GRM5: variants seen among roughly 807,000 people sequenced by gnomAD.
GRM5 encodes glutamate metabotropic receptor 5.
In GRM5, 19 loss-of-function variants were observed where a neutral mutation model predicts 83.1. That is an observed-to-expected ratio of 0.23 (90% CI 0.16 to 0.34). GRM5 has a LOEUF of 0.34. GRM5 is among the 10% of genes least tolerant of loss of function. GRM5 has a pLI of 1.00. For missense variants in GRM5, 1,160 were observed against 1,588.3 expected (o/e 0.73, Z 4.58); for synonymous variants, 675 against 633.6 (o/e 1.07, Z -0.98).
chr11:88,824,148 A>T (rs957768875), intron 3 of GRM5, among the ~76,000 whole-genome samples: 8 of 152,124 alleles, frequency 5.3e-5, no homozygotes, highest in Admixed American at 1.3e-4. Context: ...TTTAAGGGCA[A>T]TGTTTCTTTA....
At chr11:88,924,812 T>C (rs1945758367) in intron 2 of GRM5, among the ~76,000 whole-genome samples, 1 of 151,966 alleles carries the variant, frequency 6.6e-6, no homozygotes, top group South Asian at 2.1e-4. Context: ...AGAAAGTAGA[T>C]TTTAGGAACT....
At chr11:88,941,888 T>G (rs1433665175) in intron 2 of GRM5, among the ~76,000 whole-genome samples, 1 of 152,028 alleles carries the variant, frequency 6.6e-6, no homozygotes, top group African/African-American at 2.4e-5. Context: ...GATAGGCCTT[T>G]CTATACTATA....
chr11:88,823,148 C>A (rs1943831516), intron 3 of GRM5, among the ~76,000 whole-genome samples: 1 of 151,180 alleles, frequency 6.6e-6, no homozygotes, highest in African/African-American at 2.4e-5. Flanking sequence ...TAGATATTTC[C>A]TCGATTTGTT....
At chr11:89,043,380 A>G (rs1180273249) in intron 2 of GRM5, among the ~76,000 whole-genome samples, 1 of 152,170 alleles carries the variant, frequency 6.6e-6, no homozygotes, top group Non-Finnish European at 1.5e-5. Context: ...ATGAAGTTGA[A>G]CTAGATCAAG....
At chr11:88,635,380 G>T (rs35072643) in intron 4 of GRM5, among the ~76,000 whole-genome samples, 18,552 of 152,144 alleles carry the variant, frequency 0.12, 1,457 homozygotes, top group Middle Eastern at 0.19. Flanking sequence ...GGTGTGAGAT[G>T]ATATCTCATT....
intron 3 of GRM5, among the ~76,000 whole-genome samples, chr11:88,742,624 G>A (rs1181339446): frequency 6.6e-6 from 1 of 152,104 alleles, no homozygotes; most frequent in African/African-American, 2.4e-5. Context: ...GAGCCTATGA[G>A]GAGAGGGAGA....
At chr11:88,956,845 C>A (rs1355200306) in intron 2 of GRM5, among the ~76,000 whole-genome samples, 4 of 152,116 alleles carry the variant, frequency 2.6e-5, no homozygotes, top group Non-Finnish European at 5.9e-5. Context: ...ACAATAACTT[C>A]TATTTTGTTC....
chr11:88,517,340 T>C (rs1244864998), intron 9 of GRM5, among the ~76,000 whole-genome samples: 1 of 152,132 alleles, frequency 6.6e-6, no homozygotes, highest in Non-Finnish European at 1.5e-5. Flanking sequence ...CCAAGATTTT[T>C]GATAAGCTAC....
At chr11:88,698,856 A>G (rs538829939) in intron 3 of GRM5, among the ~76,000 whole-genome samples, 2 of 151,998 alleles carry the variant, frequency 1.3e-5, no homozygotes, top group South Asian at 2.1e-4. Flanking sequence ...TTCATTAAGC[A>G]TAATATTTGT....
chr11:88,850,733 C>T (rs188906234), intron 2 of GRM5, among the ~76,000 whole-genome samples: 70 of 151,612 alleles, frequency 4.6e-4, no homozygotes, highest in South Asian at 2.9e-3. Context: ...TTAGTCTTGT[C>T]GCAGGTGAAT....
At chr11:88,894,046 TG>T (rs551706993) in intron 2 of GRM5, among the ~76,000 whole-genome samples, 107 of 151,974 alleles carry the variant, frequency 7.0e-4, no homozygotes, top group Non-Finnish European at 1.3e-3. Flanking sequence ...CGGTGAATGC[TG>T]GCAGAAACTA....
intron 3 of GRM5, among the ~76,000 whole-genome samples, chr11:88,716,574 G>A (rs1941404748): frequency 6.6e-6 from 1 of 151,898 alleles, no homozygotes; most frequent in Non-Finnish European, 1.5e-5. Flanking sequence ...AGTCAACAAT[G>A]TTAAGATACA....
At chr11:88,818,486 G>A (rs1026402255) in intron 3 of GRM5, among the ~76,000 whole-genome samples, 3 of 152,124 alleles carry the variant, frequency 2.0e-5, no homozygotes, top group African/African-American at 7.2e-5. Context: ...TCTTCAAGAT[G>A]TGAATAAGTC....
At chr11:88,730,508 C>T (rs1007882956) in intron 3 of GRM5, among the ~76,000 whole-genome samples, 15 of 152,028 alleles carry the variant, frequency 9.9e-5, no homozygotes, top group African/African-American at 3.4e-4. Flanking sequence ...CCCAGCAATC[C>T]CATTACTGGG....
intron 3 of GRM5, among the ~76,000 whole-genome samples, chr11:88,671,274 C>A (rs1057033902): frequency 1.3e-5 from 2 of 151,920 alleles, no homozygotes; most frequent in Non-Finnish European, 2.9e-5. Context: ...CCAACTCTGC[C>A]ATAAACTTCT....
intron 2 of GRM5, chr11:88,912,091 T>G (rs1254592263): frequency 1.3e-5 from 6 of 452,152 alleles, no homozygotes; most frequent in Non-Finnish European, 2.3e-5. Flanking sequence ...TGTATCTGTA[T>G]AACTTCCTAA....
chr11:88,836,455 A>G (rs181863253), intron 3 of GRM5, among the ~76,000 whole-genome samples: 69 of 152,330 alleles, frequency 4.5e-4, no homozygotes, highest in African/African-American at 1.4e-3. Flanking sequence ...GTGTGTATAT[A>G]TATGTATGAT....
intron 2 of GRM5, among the ~76,000 whole-genome samples, chr11:89,010,176 G>T (rs1940657169): frequency 6.6e-6 from 1 of 151,758 alleles, no homozygotes; most frequent in African/African-American, 2.4e-5. Flanking sequence ...TAAGATCATG[G>T]CCTATTATAC....
At chr11:88,781,779 T>C (rs1205591752) in intron 3 of GRM5, among the ~76,000 whole-genome samples, 1 of 152,162 alleles carries the variant, frequency 6.6e-6, no homozygotes, top group African/African-American at 2.4e-5. Context: ...GCATCATGGA[T>C]TAAATCATTT....
Sources: gnomAD v4.1 joint callset for allele counts (sites outside exome capture counted in the v4.1 genomes callset) on GRCh38, gnomAD v4.1.1 for gene constraint, MANE v1.5 for transcripts, NCBI Gene and HGNC (gene_info 2026-07-23, HGNC 2026-07-21) for gene names.